Variants in ANKRD13C observed in about 807,000 individuals in gnomAD.
ANKRD13C encodes the protein ankyrin repeat domain-containing protein 13C.
A neutral mutation model predicts 65.5 loss-of-function variants in ANKRD13C; 16 were observed. That is an observed-to-expected ratio of 0.24 (90% confidence interval 0.17 to 0.37). ANKRD13C has a LOEUF of 0.37. ANKRD13C is among the 10% of genes least tolerant of loss of function. The pLI is 1.00. For synonymous variants in ANKRD13C, 235 were observed against 238.7 expected, an observed-to-expected ratio of 0.98 and a Z score of 0.14; for missense variants, 503 against 655.9, an observed-to-expected ratio of 0.77 and a Z score of 2.55.
At chr1:70,347,734 G>A (rs1682590717) in intron 1 of ANKRD13C, among the ~76,000 whole-genome samples, 3 of 152,060 alleles carry the variant, frequency 2.0e-5, no homozygotes, top group African/African-American at 7.2e-5. Context: ...GATGCACATG[G>A]GGAAGAAAGA....
At chr1:70,280,295 G>A (rs1444649496) in intron 9 of ANKRD13C, among the ~76,000 whole-genome samples, 6 of 152,140 alleles carry the variant, frequency 3.9e-5, no homozygotes, top group African/African-American at 7.2e-5. Flanking sequence ...GCCAAAAGAC[G>A]TGGACTGGTT....
At chr1:70,316,809 T>C (rs1421261467) in intron 3 of ANKRD13C, among the ~76,000 whole-genome samples, 1 of 152,086 alleles carries the variant, frequency 6.6e-6, no homozygotes, top group Non-Finnish European at 1.5e-5. Context: ...GAAATAAGCA[T>C]AGGAAAAAAT....
rs1679947000 is a variant in ANKRD13C, at chr1:70,293,437, CA to C, written c.1054-889del. 5 of 498,970 alleles carry C rather than the reference CA, an allele frequency of 1.0e-5. No individual in the cohort carries two copies. The South Asian group carries it at 3.4e-4, about 34-fold the overall frequency. 30.9% of individuals were successfully genotyped at this position (498,970 alleles called of 1,614,324 possible). On this transcript the variant is annotated intron_variant, in intron 8 of 12. Coordinates refer to ENST00000370944, the MANE Select transcript of ANKRD13C (RefSeq NM_030816.5). ...GTTCCAGTCCACCTTGCAAAAAAAG[CA>C]AAGCATTCTGCACCTGTTTCTACCT...
In ANKRD13C at chr1:70,337,038, C is replaced by T. The variant is rs547711716; in HGVS notation, c.431-939G>A. 7.2e-5 allele frequency among the ~76,000 whole-genome samples: 11 copies of T among 152,004 alleles called. No individual in the cohort carries two copies. In the South Asian group the frequency reaches 1.7e-3, roughly 23 times the overall value. On this transcript the variant is annotated intron_variant, in intron 1 of 12. Transcript: ENST00000370944. ...ACGAAAGTCATCACATTAACAATTA[C>T]GACCAAAATAATAAGCAAAACATTA...
At position 70,354,125 on chromosome 1, in the gene ANKRD13C, A is replaced by C. The variant is rs946220196; in HGVS notation, c.284T>G (p.Leu95Arg). Residue 95 changes from leucine (L) to arginine (R), a missense_variant, in exon 1 of 13, where the codon CTG becomes CGG. Physicochemically the swap from Leu to Arg is moderately radical, Grantham distance 102 (BLOSUM62 -2). Coordinates refer to ENST00000370944, the MANE Select transcript of ANKRD13C (RefSeq NM_030816.5). ...VTANSQSPAL[L>R]AGTNPVAVVA... ...GACAGCAACGGGGTTGGTGCCGGCC[A>C]GAAGGGCCGGGGACTGGGAGTTGGC... is the stretch of plus-strand genomic sequence containing the variant. 1 of 1,613,658 alleles carries C rather than the reference A, an allele frequency of 6.2e-7. No homozygotes were observed. Among genetic ancestry groups the C allele is most frequent in the Non-Finnish European group, 8.5e-7 (1 of 1,179,766 alleles).
At chr1:70,340,086 G>A (rs1037553362) in intron 1 of ANKRD13C, among the ~76,000 whole-genome samples, 2 of 151,986 alleles carry the variant, frequency 1.3e-5, no homozygotes, top group East Asian at 3.9e-4. Flanking sequence ...CTGGACTCAA[G>A]CAATCCTCCC....
intron 6 of ANKRD13C, among the ~76,000 whole-genome samples, chr1:70,302,869 T>C (rs1680437325): frequency 6.6e-6 from 1 of 151,790 alleles, no homozygotes; most frequent in African/African-American, 2.4e-5. Context: ...GCTCCAAGCT[T>C]CAGCTATCAG....
intron 9 of ANKRD13C, among the ~76,000 whole-genome samples, chr1:70,291,760 T>C (rs905101274): frequency 6.6e-6 from 1 of 151,920 alleles, no homozygotes; most frequent in African/African-American, 2.4e-5. Context: ...TGAACCAAGA[T>C]CTTGCCACTG....
At chr1:70,287,197 T>C (rs891478981) in intron 9 of ANKRD13C, among the ~76,000 whole-genome samples, 7 of 152,212 alleles carry the variant, frequency 4.6e-5, no homozygotes, top group Non-Finnish European at 8.8e-5. Context: ...AGAGAAATTA[T>C]AGAGAATCTA....
At chr1:70,352,446 T>G (rs1251332075) in intron 1 of ANKRD13C, among the ~76,000 whole-genome samples, 1 of 151,158 alleles carries the variant, frequency 6.6e-6, no homozygotes, top group African/African-American at 2.4e-5. Context: ...CTTAAACAAA[T>G]GTACTCCTAA....
chr1:70,282,261 T>C (rs890827489), intron 9 of ANKRD13C, among the ~76,000 whole-genome samples: 2 of 151,602 alleles, frequency 1.3e-5, no homozygotes, highest in East Asian at 4.0e-4. Context: ...TTCACCATGT[T>C]AGCCAGGCTG....
intron 1 of ANKRD13C, among the ~76,000 whole-genome samples, chr1:70,344,482 A>T (rs536812295): frequency 6.2e-4 from 95 of 152,106 alleles, no homozygotes; most frequent in African/African-American, 1.9e-3. Context: ...AAATGAATAA[A>T]TGCAAATAAT....
chr1:70,280,482 G>C (rs901270881), intron 9 of ANKRD13C, among the ~76,000 whole-genome samples: 5 of 152,126 alleles, frequency 3.3e-5, no homozygotes, highest in Admixed American at 1.3e-4. Flanking sequence ...ACACAGAAGA[G>C]AAAAAGTAGC....
chr1:70,347,014 C>T (rs917345342), intron 1 of ANKRD13C, among the ~76,000 whole-genome samples: 32 of 146,596 alleles, frequency 2.2e-4, no homozygotes, highest in African/African-American at 6.8e-4. Context: ...ATGGTGTGAA[C>T]CGGGGAGGCG....
At chr1:70,295,765 GACAA>G (rs575873827) in intron 8 of ANKRD13C, among the ~76,000 whole-genome samples, 2 of 152,288 alleles carry the variant, frequency 1.3e-5, no homozygotes, top group South Asian at 4.1e-4. Flanking sequence ...AAAGTAGGGA[GACAA>G]ACAGGTTCAG....
rs150320192 is a variant in ANKRD13C at position 70,260,398 on chromosome 1, C to T, written c.*2319G>A. On this transcript the variant is annotated 3_prime_UTR_variant, in exon 13 of 13. Coordinates refer to ENST00000370944, the MANE Select transcript of ANKRD13C (RefSeq NM_030816.5). ...CTATTGAAGATGACTATACGATTGT[C>T]CCCCTACCAATTTAAACAGTTTCAA... Among the ~76,000 whole-genome samples the T allele has an allele frequency of 5.9e-3, 905 of 152,216 alleles. 8 individuals carry two copies. The highest frequency in any genetic ancestry group is 6.2e-3 in the Non-Finnish European group (424 of 67,964).
chr1:70,332,006 C>CA (rs1184574264), intron 2 of ANKRD13C, among the ~76,000 whole-genome samples: 4 of 151,356 alleles, frequency 2.6e-5, no homozygotes, highest in Admixed American at 6.6e-5. Flanking sequence ...AGAAAAAAAG[C>CA]AAAAAAAGGG....
chr1:70,322,495 A>G (rs1681353633), intron 3 of ANKRD13C, among the ~76,000 whole-genome samples: 1 of 152,212 alleles, frequency 6.6e-6, no homozygotes. Context: ...CTTTAAGAAC[A>G]GACCTCAACT....
chr1:70,314,343 CA>C (rs1389895168), intron 4 of ANKRD13C, among the ~76,000 whole-genome samples: 1 of 151,972 alleles, frequency 6.6e-6, no homozygotes, highest in East Asian at 1.9e-4. Context: ...CCCAGCCTCC[CA>C]AGTAGCTGGG....
Sources: gnomAD v4.1 joint callset for allele counts (sites outside exome capture counted in the v4.1 genomes callset) on GRCh38, gnomAD v4.1.1 for gene constraint, MANE v1.5 for transcripts, NCBI Gene and HGNC (gene_info 2026-07-23, HGNC 2026-07-21) for gene names.